LRRN1: variants seen among roughly 807,000 people sequenced by gnomAD.
LRRN1 encodes the protein leucine-rich repeat neuronal protein 1.
In LRRN1, 14 loss-of-function variants were observed where a neutral mutation model predicts 45.8. The observed-to-expected ratio is 0.31, with a 90% confidence interval of 0.20 to 0.48. LRRN1 has a LOEUF of 0.48. Ranked by LOEUF, LRRN1 falls within the 20% of genes least tolerant of loss-of-function variation. The probability of loss-of-function intolerance (pLI) is 0.99; values close to 1 mark genes in which losing one functional copy is unlikely to be tolerated. For missense variants in LRRN1, 789 were observed against 874.2 expected (o/e 0.90, Z 1.23); for synonymous variants, 359 against 330.1 (o/e 1.09, Z -0.95).
chr3:3,838,685 G>A (rs953296000), intron 1 of LRRN1, among the ~76,000 whole-genome samples: 1 of 152,050 alleles, frequency 6.6e-6, no homozygotes, highest in Non-Finnish European at 1.5e-5. Flanking sequence ...CCTTTCCAAT[G>A]CCTGTTATTT....
chr3:3,827,563 TCAAGCC>T (rs1693251722), intron 1 of LRRN1: 1 of 451,956 alleles, frequency 2.2e-6, no homozygotes, highest in South Asian at 1.6e-5. Context: ...TCCCCATTAT[TCAAGCC>T]ATTCCTAAAA....
At position 3,824,766 on chromosome 3, in the gene LRRN1, A is replaced by G. The variant is rs193255486; in HGVS notation, c.-278-19598A>G. ...AGACCCTGCCCTCGTGGCAAAGAAT[A>G]TGAATTTAACCTTAGACAAAGCAAA... On this transcript the variant is annotated intron_variant, in intron 1 of 1. Coordinates refer to ENST00000319331, the MANE Select transcript of LRRN1 (RefSeq NM_020873.7). Among the ~76,000 whole-genome samples, 300 of 152,348 alleles carry G rather than the reference A, an allele frequency of 2.0e-3. 4 individuals carry two copies. The highest frequency in any genetic ancestry group is 6.7e-3 in the African/African-American group (279 of 41,594).
intron 1 of LRRN1, among the ~76,000 whole-genome samples, chr3:3,824,853 C>G (rs1693183193): frequency 6.6e-6 from 1 of 152,100 alleles, no homozygotes; most frequent in African/African-American, 2.4e-5. Context: ...AGCTTGGCCT[C>G]CAAATATGTG....
rs150759140 is a variant in LRRN1, at chr3:3,808,073, G to A, written c.-279+8154G>A. On this transcript the variant is annotated intron_variant, in intron 1 of 1. Coordinates refer to ENST00000319331, the MANE Select transcript of LRRN1 (RefSeq NM_020873.7). ...ATGCATTCATTCACACTGTCAAATT[G>A]GAGTCCTGGTGAACAAGTTCCCAAA... Among the ~76,000 whole-genome samples the A allele has an allele frequency of 3.1e-3, 472 of 152,290 alleles. 1 individual carries two copies. Among genetic ancestry groups the A allele is most frequent in the South Asian group, 8.7e-3 (42 of 4,822 alleles).
chr3:3,845,024 A>G lies in LRRN1; in HGVS notation c.383A>G (p.Glu128Gly). 6.2e-7 allele frequency: 1 copy of G among 1,614,190 alleles called. No homozygotes were observed. Among genetic ancestry groups the G allele is most frequent in the Non-Finnish European group, 8.5e-7 (1 of 1,180,036 alleles). The change falls in exon 2 of 2, where the codon GAA (glutamate) becomes GGA (glycine). Residue 128 changes from glutamate to glycine, a missense_variant. By Grantham distance (98) the Glu-to-Gly change is moderately conservative. Transcript: ENST00000319331. This position sits in a 1 kb window ranked among gnomAD's most constrained non-coding sequence, Gnocchi z 6.5. ...CAGCTCACAACGCTGCATTTGGAGG[A>G]AAATCAGATTACCGAGATGACTGAT... ...LTQLTTLHLE[E>G]NQITEMTDYC...
intron 1 of LRRN1, among the ~76,000 whole-genome samples, chr3:3,823,947 G>C (rs1693162946): frequency 6.6e-6 from 1 of 152,160 alleles, no homozygotes; most frequent in Admixed American, 6.5e-5. Context: ...TCATCATTTA[G>C]AGGTAGGAAA....
At chr3:3,809,017 G>T (rs962915814) in intron 1 of LRRN1, among the ~76,000 whole-genome samples, 1 of 152,084 alleles carries the variant, frequency 6.6e-6, no homozygotes, top group African/African-American at 2.4e-5. Context: ...CTAAATTTAG[G>T]TGTCTAAAAA....
intron 1 of LRRN1, among the ~76,000 whole-genome samples, chr3:3,836,707 T>C (rs1693523527): frequency 6.6e-6 from 1 of 152,082 alleles, no homozygotes. Flanking sequence ...TGCTTACAGG[T>C]TTAAACTCCT....
chr3:3,827,356 CA>C (rs1307919587), intron 1 of LRRN1: 1 of 419,248 alleles, frequency 2.4e-6, no homozygotes, highest in Non-Finnish European at 4.8e-6. Context: ...GTATCACAAT[CA>C]GCACTGGGGC....
intron 1 of LRRN1, among the ~76,000 whole-genome samples, chr3:3,819,945 CAT>C (rs776968206): frequency 1.6e-4 from 24 of 152,270 alleles, no homozygotes; most frequent in African/African-American, 4.1e-4. Context: ...AGAAAAGTAT[CAT>C]GTGTGGAGCT....
At chr3:3,826,291 C>T (rs1269606659) in intron 1 of LRRN1, among the ~76,000 whole-genome samples, 4 of 152,158 alleles carry the variant, frequency 2.6e-5, no homozygotes, top group Non-Finnish European at 1.5e-5. Context: ...TTTTCCATGA[C>T]ACCAGAGGAA....
In LRRN1 at chr3:3,845,353, C is replaced by G. The variant is rs1411006164; in HGVS notation, c.712C>G (p.Leu238Val). 1 of 1,614,080 alleles carries G rather than the reference C, an allele frequency of 6.2e-7. No homozygotes were observed. Among genetic ancestry groups the G allele is most frequent in the East Asian group, 2.2e-5 (1 of 44,876 alleles). The change falls in exon 2 of 2, where the codon CTG (leucine) becomes GTG (valine). Residue 238 changes from leucine (L) to valine (V), a missense_variant. Leu to Val is a conservative substitution (Grantham distance 32). Coordinates refer to ENST00000319331, the MANE Select transcript of LRRN1 (RefSeq NM_020873.7). The surrounding 1 kb of genome is among the most constrained non-coding windows in gnomAD (Gnocchi z 6.5). ...TATTCCTGGAAATGCTTTGGTGGGTCTGGATAGCCTTGAGAGCCTGTCTTT... is the reference window on the plus strand; with the variant it reads ...TATTCCTGGAAATGCTTTGGTGGGTGTGGATAGCCTTGAGAGCCTGTCTTT... ...TDIPGNALVG[L>V]DSLESLSFYD...
At chr3:3,809,205 G>A (rs1193007561) in intron 1 of LRRN1, among the ~76,000 whole-genome samples, 1 of 152,098 alleles carries the variant, frequency 6.6e-6, no homozygotes, top group African/African-American at 2.4e-5. Context: ...GTGCAGGGGC[G>A]TGATCTTGGC....
chr3:3,802,136 T>G (rs1241236491), intron 1 of LRRN1, among the ~76,000 whole-genome samples: 1 of 152,184 alleles, frequency 6.6e-6, no homozygotes, highest in East Asian at 1.9e-4. Flanking sequence ...CCGAGTGGTT[T>G]TCAGGTCACA....
intron 1 of LRRN1, 85 bp downstream of exon 1, chr3:3,800,004 C>T (rs994532898): frequency 6.5e-6 from 1 of 153,000 alleles, no homozygotes; most frequent in Non-Finnish European, 1.5e-5. Context: ...CGTGGGAGAC[C>T]CTACGGGGTC....
intron 1 of LRRN1, among the ~76,000 whole-genome samples, chr3:3,812,539 T>TG (rs1307167465): frequency 6.6e-6 from 1 of 152,168 alleles, no homozygotes; most frequent in Non-Finnish European, 1.5e-5. Context: ...AAAGTGCACT[T>TG]GGAGTTCAGA....
chr3:3,822,375 G>A (rs1468744740), intron 1 of LRRN1, among the ~76,000 whole-genome samples: 3 of 152,160 alleles, frequency 2.0e-5, no homozygotes, highest in African/African-American at 7.2e-5. Context: ...TCATTATTTG[G>A]AAAGGGTGTT....
chr3:3,825,340 T>C (rs755672084), intron 1 of LRRN1, among the ~76,000 whole-genome samples: 5 of 152,122 alleles, frequency 3.3e-5, no homozygotes, highest in Non-Finnish European at 7.4e-5. Context: ...CCCAGAGATG[T>C]TGGATGAGAC....
At chr3:3,813,985 T>C (rs777475467) in intron 1 of LRRN1, among the ~76,000 whole-genome samples, 1 of 151,984 alleles carries the variant, frequency 6.6e-6, no homozygotes, top group Non-Finnish European at 1.5e-5. Flanking sequence ...GGCTCAACCT[T>C]GAAATTATTT....
Sources: allele counts gnomAD v4.1 joint callset (sites outside exome capture counted in the v4.1 genomes callset), GRCh38; gene constraint gnomAD v4.1.1; non-coding constraint Gnocchi (gnomAD v3.1); transcripts MANE v1.5; gene names NCBI Gene and HGNC (gene_info 2026-07-23, HGNC 2026-07-21).